The following ADGRG6 variants were observed in gnomAD, a reference collection of about 807,000 sequenced individuals.
ADGRG6 encodes the protein G-protein coupled receptor 126.
Under a neutral mutation model 142.4 loss-of-function variants are expected in ADGRG6, and 84 were observed. The observed-to-expected ratio is 0.59, with a 90% confidence interval of 0.49 to 0.71. The LOEUF is 0.71. ADGRG6 is among the 30% of genes least tolerant of loss of function. The pLI is 0.00. For synonymous variants in ADGRG6, 521 were observed against 520.5 expected, an observed-to-expected ratio of 1.00 and a Z score of -0.01; for missense variants, 1,367 against 1,466.6, an observed-to-expected ratio of 0.93 and a Z score of 1.11.
At chr6:142,346,717 C>T (rs1779918345) in intron 2 of ADGRG6, among the ~76,000 whole-genome samples, 1 of 152,012 alleles carries the variant, frequency 6.6e-6, no homozygotes, top group Admixed American at 6.6e-5. Context: ...GAGTTCATGT[C>T]CTTTGCAGGG....
intron 2 of ADGRG6, among the ~76,000 whole-genome samples, chr6:142,335,628 T>G (rs1779274018): frequency 6.6e-6 from 1 of 152,096 alleles, no homozygotes; most frequent in South Asian, 2.1e-4. Context: ...AGATCCCGAT[T>G]TGGAAGTTAT....
chr6:142,405,024 G>A (rs535082264), intron 14 of ADGRG6, among the ~76,000 whole-genome samples: 8 of 152,298 alleles, frequency 5.3e-5, no homozygotes, highest in South Asian at 2.1e-4. Flanking sequence ...AGTATGTGAA[G>A]CACAATATAT....
Position 142,367,689 on chromosome 6 carries a change from C to G in ADGRG6, c.224C>G (p.Thr75Ser), listed in dbSNP as rs375234396. Residue 75 changes from threonine to serine, a missense_variant, in exon 3 of 25, where the codon ACC (threonine) becomes AGC (serine). Transcript: ENST00000367609. ...TGCATGTGGACGCTCCGAGCCCCCA[C>G]CGGTTATATCATTCAGATAACATTT... ...QACMWTLRAP[T>S]GYIIQITFND... 1.2e-6 allele frequency: 2 copies of G among 1,613,748 alleles called. No individual in the cohort carries two copies. Among genetic ancestry groups the G allele is most frequent in the African/African-American group, 1.3e-5 (1 of 74,900 alleles).
intron 2 of ADGRG6, among the ~76,000 whole-genome samples, chr6:142,321,823 T>G (rs1778534557): frequency 6.6e-6 from 1 of 152,106 alleles, no homozygotes; most frequent in Non-Finnish European, 1.5e-5. Context: ...TCTGTGCATT[T>G]TTTTCTATGT....
chr6:142,328,732 C>T (rs746739693), intron 2 of ADGRG6, among the ~76,000 whole-genome samples: 16 of 152,034 alleles, frequency 1.1e-4, no homozygotes, highest in Non-Finnish European at 1.9e-4. Context: ...AATCCTTGGG[C>T]GTCATTACAG....
chr6:142,422,483 A>T (rs1281831123), intron 22 of ADGRG6, among the ~76,000 whole-genome samples: 2 of 152,200 alleles, frequency 1.3e-5, no homozygotes, highest in Non-Finnish European at 2.9e-5. Flanking sequence ...GTCCCTACAA[A>T]GGACACGAAC....
intron 4 of ADGRG6, among the ~76,000 whole-genome samples, chr6:142,377,522 G>A (rs916514298): frequency 2.0e-5 from 3 of 152,184 alleles, no homozygotes; most frequent in Admixed American, 6.5e-5. Flanking sequence ...TTCTCCGGGC[G>A]CCCCTTTTTA....
At chr6:142,414,644 G>A (rs778830398) in intron 18 of ADGRG6, among the ~76,000 whole-genome samples, 10 of 152,148 alleles carry the variant, frequency 6.6e-5, no homozygotes, top group Admixed American at 1.3e-4. Context: ...GGTTTATTAT[G>A]CAAGGCAACC....
At chr6:142,373,437 A>AAT (rs1385012129) in intron 4 of ADGRG6, among the ~76,000 whole-genome samples, 1 of 148,668 alleles carries the variant, frequency 6.7e-6, no homozygotes, top group Non-Finnish European at 1.5e-5. Context: ...CTAACTATGA[A>AAT]AAAGTATGAT....
chr6:142,304,637 CCTGA>C (rs1385125575), intron 1 of ADGRG6, among the ~76,000 whole-genome samples: 1 of 152,078 alleles, frequency 6.6e-6, no homozygotes, highest in Admixed American at 6.5e-5. Flanking sequence ...CTTTTTAAAA[CCTGA>C]CTATTTTTCT....
intron 17 of ADGRG6, 88 bp from the exon 18 acceptor site, chr6:142,411,217 G>C: frequency 1.3e-6 from 1 of 753,644 alleles, no homozygotes; most frequent in East Asian, 2.5e-5. Context: ...AGAAGAGACT[G>C]AGGCAAATTT....
intron 1 of ADGRG6, among the ~76,000 whole-genome samples, chr6:142,305,303 A>G (rs942921159): frequency 2.6e-5 from 4 of 152,092 alleles, no homozygotes; most frequent in African/African-American, 9.7e-5. Flanking sequence ...CGTTTTCAAA[A>G]ATAAAAGTTA....
rs200385018 is a variant in ADGRG6, at chr6:142,414,955, C to T, written c.2542-14C>T. On this transcript the variant is annotated splice_polypyrimidine_tract_variant and intron_variant, in intron 18 of 24. Transcript: ENST00000367609. ...AAGAGAGTTTCTTACAGCTGCTCGC[C>T]ATGTTTTATGTAGGACCTTCCAAGA... is the stretch of plus-strand genomic sequence containing the variant. The T allele has an allele frequency of 1.9e-6, 3 of 1,598,180 alleles. No homozygotes were observed. The highest frequency in any genetic ancestry group is 3.5e-5 in the Admixed American group (2 of 57,360).
At chr6:142,441,768 C>T (rs1194657728) in intron 24 of ADGRG6, among the ~76,000 whole-genome samples, 2 of 152,142 alleles carry the variant, frequency 1.3e-5, no homozygotes, top group African/African-American at 4.8e-5. Context: ...AAACCAATGG[C>T]TAGTGAATAT....
At chr6:142,317,537 T>A (rs1388165941) in intron 2 of ADGRG6, among the ~76,000 whole-genome samples, 1 of 150,076 alleles carries the variant, frequency 6.7e-6, no homozygotes, top group African/African-American at 2.5e-5. Context: ...ATTATAGTAC[T>A]TAAATAAGTT....
At chr6:142,411,912 T>C (rs889882681) in intron 18 of ADGRG6, among the ~76,000 whole-genome samples, 4 of 152,144 alleles carry the variant, frequency 2.6e-5, no homozygotes, top group African/African-American at 7.2e-5. Context: ...AGATTGCAGT[T>C]TGTTAGGACA....
At chr6:142,352,567 A>G (rs1480445266) in intron 2 of ADGRG6, among the ~76,000 whole-genome samples, 1 of 152,120 alleles carries the variant, frequency 6.6e-6, no homozygotes, top group South Asian at 2.1e-4. Flanking sequence ...GCAGCACACA[A>G]TTTTTCACTG....
intron 3 of ADGRG6, among the ~76,000 whole-genome samples, chr6:142,369,576 C>T (rs1298325306): frequency 6.6e-5 from 10 of 152,238 alleles, no homozygotes; most frequent in Admixed American, 5.2e-4. Flanking sequence ...TAAATCTCCA[C>T]TTTGTTTGAC....
rs1042154677 is a variant in ADGRG6, at chr6:142,302,197, G to A, written c.-133G>A. 3.0e-6 allele frequency: 3 copies of A among 990,118 alleles called. No individual in the cohort carries two copies. The highest frequency in any genetic ancestry group is 3.1e-4 in the Middle Eastern group (1 of 3,226). 61.3% of individuals were successfully genotyped at this position (990,118 alleles called of 1,614,324 possible). A position where few individuals can be genotyped will look rare whatever the true frequency, so the allele number is the denominator to read the frequency against. On this transcript the variant is annotated 5_prime_UTR_variant, in exon 1 of 25. Coordinates refer to ENST00000367609, the MANE Select transcript of ADGRG6 (RefSeq NM_198569.3). ...AGCCCATGAACTCTCCAGAAACGGC[G>A]TAAAGGAGGGTCCCGCCGCGGCGCA...
Sources: gnomAD v4.1 joint callset for allele counts (sites outside exome capture counted in the v4.1 genomes callset) on GRCh38, gnomAD v4.1.1 for gene constraint, MANE v1.5 for transcripts, NCBI Gene and HGNC (gene_info 2026-07-23, HGNC 2026-07-21) for gene names.